GHR: variants seen among roughly 807,000 people sequenced by gnomAD.
The protein encoded by GHR is growth hormone receptor, also known as GH receptor.
A neutral mutation model predicts 67.1 loss-of-function variants in GHR; 35 were observed. The observed-to-expected ratio is 0.52, with a 90% confidence interval of 0.40 to 0.69. GHR has a LOEUF of 0.69. Ranked by LOEUF, GHR falls within the 30% of genes least tolerant of loss-of-function variation. The pLI, the probability that GHR is intolerant of heterozygous loss-of-function variation, is 0.00. For synonymous variants in GHR, 272 were observed against 269.1 expected (o/e 1.01, Z -0.10); for missense variants, 792 against 764.6 (o/e 1.04, Z -0.42).
At chr5:42,592,598 A>AT (rs1303995603) in intron 2 of GHR, among the ~76,000 whole-genome samples, 1 of 152,166 alleles carries the variant, frequency 6.6e-6, no homozygotes, top group Admixed American at 6.5e-5. Context: ...ACATGAGCTC[A>AT]TTTTTTATGG....
intron 2 of GHR, among the ~76,000 whole-genome samples, chr5:42,566,857 A>ATGTCCTCCCTGACCTTCTAGC (rs1398699005): frequency 2.6e-5 from 4 of 152,196 alleles, no homozygotes; most frequent in Non-Finnish European, 5.9e-5. Flanking sequence ...GCGCCTTAAG[A>ATGTCCTCCCTGACCTTCTAGC]TGTCCTCCCT....
At chr5:42,565,133 C>G (rs1406156272) in intron 1 of GHR, among the ~76,000 whole-genome samples, 1 of 152,186 alleles carries the variant, frequency 6.6e-6, no homozygotes, top group Non-Finnish European at 1.5e-5. Context: ...CCAGGTGTGG[C>G]CACACTGGGC....
At chr5:42,439,643 A>G (rs769704435) in intron 1 of GHR, among the ~76,000 whole-genome samples, 12 of 152,238 alleles carry the variant, frequency 7.9e-5, no homozygotes, top group Non-Finnish European at 1.6e-4. Flanking sequence ...TGGTTTGGGT[A>G]CATGTCTAGG....
chr5:42,617,472 A>G (rs1753220704), intron 2 of GHR, among the ~76,000 whole-genome samples: 1 of 151,790 alleles, frequency 6.6e-6, no homozygotes, highest in African/African-American at 2.4e-5. Flanking sequence ...TCTTCCTTAC[A>G]TCATTTACCC....
rs1749977986 is a variant in GHR, at chr5:42,566,961, C to T, written c.70+1017C>T. Among the ~76,000 whole-genome samples the T allele has an allele frequency of 3.3e-5, 5 of 152,092 alleles. No individual in the cohort carries two copies. The South Asian group carries it at 1.0e-3, about 32-fold the overall frequency. On this transcript the variant is annotated intron_variant, in intron 2 of 9. Transcript: ENST00000230882. ...AGAAGAGTAAAATATGTTATTTTATCTCTTAAAGCAATTTAAAAATATTTA... is the reference window on the plus strand; with the variant it reads ...AGAAGAGTAAAATATGTTATTTTATTTCTTAAAGCAATTTAAAAATATTTA...
chr5:42,626,008 C>A (rs1322159968), intron 2 of GHR, among the ~76,000 whole-genome samples: 1 of 72,456 alleles, frequency 1.4e-5, no homozygotes, highest in East Asian at 2.9e-4. Flanking sequence ...CAAATAAAAC[C>A]CATCCTGATG....
chr5:42,520,643 T>A (rs1435230563), intron 1 of GHR, among the ~76,000 whole-genome samples: 1 of 152,156 alleles, frequency 6.6e-6, no homozygotes, highest in East Asian at 1.9e-4. Flanking sequence ...ATGGGTACTT[T>A]TTTTGTCCCT....
chr5:42,601,817 T>G (rs537718447), intron 2 of GHR, among the ~76,000 whole-genome samples: 1 of 152,118 alleles, frequency 6.6e-6, no homozygotes, highest in African/African-American at 2.4e-5. Flanking sequence ...TTCATTCACC[T>G]TTTCAATTCA....
chr5:42,486,936 C>A (rs1745912969), intron 1 of GHR, among the ~76,000 whole-genome samples: 1 of 151,710 alleles, frequency 6.6e-6, no homozygotes, highest in Non-Finnish European at 1.5e-5. Flanking sequence ...GAGTTAACTT[C>A]TTACATTTCT....
intron 2 of GHR, among the ~76,000 whole-genome samples, chr5:42,584,799 A>G (rs1247414626): frequency 6.6e-6 from 1 of 152,082 alleles, no homozygotes; most frequent in Non-Finnish European, 1.5e-5. Flanking sequence ...ACACACACAC[A>G]CACACACACA....
intron 2 of GHR, among the ~76,000 whole-genome samples, chr5:42,606,806 G>A (rs946088088): frequency 6.6e-6 from 1 of 152,102 alleles, no homozygotes; most frequent in African/African-American, 2.4e-5. Flanking sequence ...GAAACTAGGA[G>A]TTGGGCAATA....
rs572698750 is a variant in GHR at position 42,654,443 on chromosome 5, T to C, written c.136+25340T>C. On this transcript the variant is annotated intron_variant, in intron 3 of 9. Transcript: ENST00000230882. ...GATTTGTAATCTCTCCTTAAACTTA[T>C]CCAGTTCTGGTGTTTAATTTCCTTT... is the stretch of plus-strand genomic sequence containing the variant. Among the ~76,000 whole-genome samples, 7 of 152,268 alleles carry C rather than the reference T, an allele frequency of 4.6e-5. No individual in the cohort carries two copies. In the East Asian group the frequency reaches 9.7e-4, roughly 21 times the overall value.
chr5:42,515,161 C>G (rs1003006697), intron 1 of GHR: 5 of 152,154 alleles, frequency 3.3e-5, no homozygotes, highest in African/African-American at 7.2e-5. Flanking sequence ...GAAACCTGGT[C>G]CCTTCCAGAA....
intron 1 of GHR, chr5:42,467,141 G>A: frequency 2.5e-6 from 4 of 1,599,928 alleles, no homozygotes; most frequent in Admixed American, 1.7e-5. Flanking sequence ...ACAAAAGGAA[G>A]ATCTCCACTG....
intron 3 of GHR, among the ~76,000 whole-genome samples, chr5:42,647,367 A>G (rs1340087641): frequency 1.3e-5 from 2 of 151,902 alleles, no homozygotes; most frequent in Non-Finnish European, 2.9e-5. Context: ...GAGATCAGGA[A>G]ATCGAGACCA....
intron 3 of GHR, among the ~76,000 whole-genome samples, chr5:42,662,173 A>C (rs1170182771): frequency 2.0e-5 from 3 of 152,220 alleles, no homozygotes; most frequent in Non-Finnish European, 4.4e-5. Flanking sequence ...TTAACAGCCC[A>C]CTGTCAACAT....
chr5:42,547,397 A>G (rs1748785317), intron 1 of GHR, among the ~76,000 whole-genome samples: 1 of 152,198 alleles, frequency 6.6e-6, no homozygotes, highest in Admixed American at 6.5e-5. Flanking sequence ...TCCACACTCA[A>G]TGATGGGAAT....
At chr5:42,459,422 A>G (rs149606941) in intron 1 of GHR, among the ~76,000 whole-genome samples, 43 of 152,342 alleles carry the variant, frequency 2.8e-4, no homozygotes, top group African/African-American at 9.1e-4. Context: ...ACAGAAAACC[A>G]AATACCACAT....
chr5:42,693,031 A>G (rs1340840384), intron 4 of GHR, among the ~76,000 whole-genome samples: 1 of 152,016 alleles, frequency 6.6e-6, no homozygotes, highest in Non-Finnish European at 1.5e-5. Context: ...TTCTGACTCT[A>G]CATACACACA....
Sources: gnomAD v4.1 joint callset for allele counts (sites outside exome capture counted in the v4.1 genomes callset) on GRCh38, gnomAD v4.1.1 for gene constraint, MANE v1.5 for transcripts, NCBI Gene and HGNC (gene_info 2026-07-23, HGNC 2026-07-21) for gene names.